WWOX: variants seen among roughly 807,000 people sequenced by gnomAD.
The protein encoded by WWOX is WW domain containing oxidoreductase.
A neutral mutation model predicts 46.2 loss-of-function variants in WWOX; 69 were observed. That is an observed-to-expected ratio of 1.49 (90% CI 1.23 to 1.82). The LOEUF is 1.82. Among genes scored for constraint, WWOX ranks in the 40% most tolerant of loss-of-function variants. The pLI is 0.00. For synonymous variants in WWOX, 359 were observed against 202.6 expected (o/e 1.77, Z -6.56); for missense variants, 919 against 542.6 (o/e 1.69, Z -6.89).
At chr16:78,819,617 G>A (rs902553183) in intron 8 of WWOX, among the ~76,000 whole-genome samples, 1 of 152,130 alleles carries the variant, frequency 6.6e-6, no homozygotes, top group Non-Finnish European at 1.5e-5. Context: ...CAGCACCTCT[G>A]CTCCTGTTGT....
intron 8 of WWOX, among the ~76,000 whole-genome samples, chr16:79,122,815 G>C (rs1172309486): frequency 6.6e-6 from 1 of 152,180 alleles, no homozygotes; most frequent in Admixed American, 6.5e-5. Context: ...CTTGGGAAGT[G>C]AGCTCAATGA....
At chr16:78,962,265 G>C (rs2046284508) in intron 8 of WWOX, among the ~76,000 whole-genome samples, 1 of 135,256 alleles carries the variant, frequency 7.4e-6, no homozygotes, top group South Asian at 2.5e-4. Context: ...GCTGAATTCT[G>C]TGCCAGAAGG....
intron 8 of WWOX, among the ~76,000 whole-genome samples, chr16:78,740,098 C>T (rs1024413423): frequency 6.6e-6 from 1 of 152,144 alleles, no homozygotes; most frequent in Non-Finnish European, 1.5e-5. Flanking sequence ...TTGGTCCCTT[C>T]TCTGCATTCG....
At chr16:78,733,105 C>T (rs529675971) in intron 8 of WWOX, among the ~76,000 whole-genome samples, 1 of 152,170 alleles carries the variant, frequency 6.6e-6, no homozygotes, top group Admixed American at 6.5e-5. Flanking sequence ...CCCATTTGCT[C>T]CGCTGTTACA....
intron 5 of WWOX, among the ~76,000 whole-genome samples, chr16:78,328,680 T>C (rs1022787139): frequency 6.6e-6 from 1 of 152,154 alleles, no homozygotes; most frequent in African/African-American, 2.4e-5. Flanking sequence ...CTCTTGATAA[T>C]GCTGATGTGA....
intron 8 of WWOX, among the ~76,000 whole-genome samples, chr16:79,141,004 G>A (rs1004102584): frequency 1.3e-5 from 2 of 152,134 alleles, no homozygotes; most frequent in Admixed American, 6.5e-5. Flanking sequence ...CGCTTAGAAA[G>A]GACCTGTGAA....
At position 78,451,427 on chromosome 16, in the gene WWOX, A is replaced by G. The variant is rs544946495; in HGVS notation, c.1056+18675A>G. ...GGGATGGGGAGGAGCTGAGAAGAGC[A>G]TATTTGGCTGAGTTTGGTTGCAGAA... On this transcript the variant is annotated intron_variant, in intron 8 of 8. Coordinates refer to ENST00000566780, the MANE Select transcript of WWOX (RefSeq NM_016373.4). Among the ~76,000 whole-genome samples, 4 of 152,308 alleles carry G rather than the reference A, an allele frequency of 2.6e-5. No homozygotes were observed. The East Asian group carries it at 5.8e-4, about 22-fold the overall frequency.
At chr16:78,746,227 G>A (rs1206385381) in intron 8 of WWOX, among the ~76,000 whole-genome samples, 3 of 152,230 alleles carry the variant, frequency 2.0e-5, no homozygotes, top group African/African-American at 7.2e-5. Flanking sequence ...ACTGAGCATG[G>A]TGGCTCACAC....
chr16:79,021,858 G>A (rs999195972), intron 8 of WWOX, among the ~76,000 whole-genome samples: 1 of 152,170 alleles, frequency 6.6e-6, no homozygotes, highest in Non-Finnish European at 1.5e-5. Flanking sequence ...CACAAAAAGT[G>A]CCAGTTATAA....
chr16:78,391,853 T>G (rs915130817), intron 6 of WWOX, among the ~76,000 whole-genome samples: 5 of 152,090 alleles, frequency 3.3e-5, no homozygotes, highest in African/African-American at 1.2e-4. Flanking sequence ...TACTCCAAAA[T>G]TTAGTGGCTA....
intron 8 of WWOX, among the ~76,000 whole-genome samples, chr16:78,465,013 A>G (rs2084041326): frequency 6.6e-6 from 1 of 152,200 alleles, no homozygotes. Flanking sequence ...ATGGCAGCAG[A>G]CAAGAAAGCG....
At chr16:79,177,494 C>G (rs2050824131) in intron 8 of WWOX, among the ~76,000 whole-genome samples, 1 of 152,152 alleles carries the variant, frequency 6.6e-6, no homozygotes, top group Non-Finnish European at 1.5e-5. Context: ...TTTATGGGGT[C>G]ATTACAGATC....
At chr16:78,466,173 A>T (rs2084072406) in intron 8 of WWOX, among the ~76,000 whole-genome samples, 1 of 152,124 alleles carries the variant, frequency 6.6e-6, no homozygotes, top group Non-Finnish European at 1.5e-5. Context: ...CTGGGACTAT[A>T]GGTGCCCGCC....
At chr16:78,939,580 T>A (rs2045810630) in intron 8 of WWOX, among the ~76,000 whole-genome samples, 1 of 152,368 alleles carries the variant, frequency 6.6e-6, no homozygotes, top group Middle Eastern at 3.4e-3. Context: ...TTTTTGTATA[T>A]GGCTACTGAA....
intron 8 of WWOX, among the ~76,000 whole-genome samples, chr16:78,725,995 C>G (rs912629229): frequency 1.3e-5 from 2 of 150,250 alleles, no homozygotes; most frequent in Non-Finnish European, 3.0e-5. Flanking sequence ...TCTCCTCCTT[C>G]TCCTTCTTCT....
chr16:79,059,150 G>T (rs2048316625), intron 8 of WWOX, among the ~76,000 whole-genome samples: 1 of 152,270 alleles, frequency 6.6e-6, no homozygotes. Flanking sequence ...ATAAACAGGT[G>T]GGAGAATTAT....
At chr16:78,495,852 T>C (rs1048827909) in intron 8 of WWOX, 2 of 152,172 alleles carry the variant, frequency 1.3e-5, no homozygotes, top group African/African-American at 4.8e-5. Flanking sequence ...GTGCTTGGTT[T>C]ATTTTTTTCA....
At chr16:78,146,002 C>T (rs571519870) in intron 4 of WWOX, 1 of 152,302 alleles carries the variant, frequency 6.6e-6, no homozygotes, top group East Asian at 1.9e-4. Context: ...CTCCTTTTCC[C>T]TATCTGTCTC....
chr16:78,196,689 A>C (rs1232065995), intron 5 of WWOX, among the ~76,000 whole-genome samples: 1 of 152,180 alleles, frequency 6.6e-6, no homozygotes, highest in Non-Finnish European at 1.5e-5. Context: ...TTGCAATGTC[A>C]AATAATAGCA....
Sources: allele counts gnomAD v4.1 joint callset (sites outside exome capture counted in the v4.1 genomes callset), GRCh38; gene constraint gnomAD v4.1.1; transcripts MANE v1.5; gene names NCBI Gene and HGNC (gene_info 2026-07-23, HGNC 2026-07-21).